The following DNAJC17 variants were observed in gnomAD, a reference collection of about 807,000 sequenced individuals.
The protein encoded by DNAJC17 is DnaJ heat shock protein family (Hsp40) member C17.
In DNAJC17, 35 loss-of-function variants were observed where a neutral mutation model predicts 48.1. The observed-to-expected ratio is 0.73, with a 90% CI of 0.56 to 0.96. The LOEUF (loss-of-function observed/expected upper bound fraction) is 0.96. Among genes scored for constraint, DNAJC17 ranks in the 50% least tolerant of loss-of-function variants. DNAJC17 has a pLI of 0.00. For synonymous variants in DNAJC17, 117 were observed against 142.7 expected (o/e 0.82, Z 1.28); for missense variants, 355 against 377.1 (o/e 0.94, Z 0.48).
At chr15:40,802,932 G>A (rs1036923909) in intron 1 of DNAJC17, among the ~76,000 whole-genome samples, 2 of 151,894 alleles carry the variant, frequency 1.3e-5, no homozygotes, top group African/African-American at 2.4e-5. Flanking sequence ...GGTGGAACCC[G>A]ATCTCTACAA....
At position 40,767,985 on chromosome 15, in the gene DNAJC17, CA is replaced by C; in HGVS notation, c.869del (p.Leu290ArgfsTer33). The C allele has an allele frequency of 6.2e-7, 1 of 1,608,014 alleles. No homozygotes were observed. ...GGTCTTCCTGCTGCATCCGTGCGATCAGCTGTTGCCGCTCGGCCGCCTGGCG... is the reference window on the plus strand; with the variant it reads ...GGTCTTCCTGCTGCATCCGTGCGATCGCTGTTGCCGCTCGGCCGCCTGGCG... ...RMRQAAERQQ[L>X]IARMQQEDQE... On this transcript the variant is annotated frameshift_variant, in exon 11 of 11. Transcript: ENST00000220496. LOFTEE classifies it high-confidence loss of function.
intron 1 of DNAJC17, among the ~76,000 whole-genome samples, chr15:40,802,215 G>T (rs1005210280): frequency 8.7e-5 from 13 of 149,124 alleles, no homozygotes; most frequent in South Asian, 2.1e-4. Flanking sequence ...CCGTCACCCA[G>T]GCTGGAGTGC....
At position 40,776,308 on chromosome 15, in the gene DNAJC17, TGG is replaced by T. The variant is rs1889319236; in HGVS notation, c.382-18_382-17del. The stretch of plus-strand genomic sequence containing the variant: ...GGCGTTCGATCTGCAGAGCAGGGGG[TGG>T]GGGTGACAATTCTGTGCAGGTCCAA... On this transcript the variant is annotated splice_polypyrimidine_tract_variant and intron_variant, in intron 5 of 10. Transcript: ENST00000220496. 1 of 1,611,836 alleles carries T rather than the reference TGG, an allele frequency of 6.2e-7. No homozygotes were observed. The highest frequency in any genetic ancestry group is 1.7e-5 in the Admixed American group (1 of 59,802).
rs772903316 is a variant in DNAJC17, at chr15:40,767,237, A to G, written c.*703T>C. The G allele has an allele frequency of 6.4e-7, 1 of 1,560,466 alleles. No individual in the cohort carries two copies. Among genetic ancestry groups the G allele is most frequent in the Admixed American group, 1.9e-5 (1 of 52,770 alleles). ...CTGTCTCTTTGCAGTTATGAATACT[A>G]CGTCGATGACCCTCCCCGCATAGTC... On this transcript the variant is annotated 3_prime_UTR_variant, in exon 11 of 11. Coordinates refer to ENST00000220496, the MANE Select transcript of DNAJC17 (RefSeq NM_018163.3).
At chr15:40,783,319 A>G (rs755058252) in intron 1 of DNAJC17, among the ~76,000 whole-genome samples, 1 of 152,104 alleles carries the variant, frequency 6.6e-6, no homozygotes, top group Non-Finnish European at 1.5e-5. Flanking sequence ...AAGCACCTAC[A>G]CACACTGACA....
rs1043384400 is a variant in DNAJC17, at chr15:40,769,137, G to A, written c.793-1075C>T. 6.6e-6 allele frequency among the ~76,000 whole-genome samples: 1 copy of A among 152,208 alleles called. No homozygotes were observed. The highest frequency in any genetic ancestry group is 1.5e-5 in the Non-Finnish European group (1 of 68,018). On this transcript the variant is annotated intron_variant, in intron 10 of 10. Coordinates refer to ENST00000220496, the MANE Select transcript of DNAJC17 (RefSeq NM_018163.3). The surrounding 1 kb of genome is among the most constrained non-coding windows in gnomAD (Gnocchi z 4.2). The stretch of plus-strand genomic sequence containing the variant: ...CAGCCTGGGTTCCCCTGTTCCTCCC[G>A]ATGGCTGCACCCCTCCCCTCTCCCC...
chr15:40,787,755 G>A (rs1373104761), intron 1 of DNAJC17, among the ~76,000 whole-genome samples: 1 of 152,144 alleles, frequency 6.6e-6, no homozygotes, highest in African/African-American at 2.4e-5. Flanking sequence ...ACACAGCAGG[G>A]CCTCTGACAT....
chr15:40,807,131 C>T (rs1430140043), intron 1 of DNAJC17: 2 of 1,022,574 alleles, frequency 2.0e-6, no homozygotes, highest in East Asian at 2.6e-5. Context: ...AGACAGGGGC[C>T]ACGGGGAGAG....
In DNAJC17 at chr15:40,776,216, T is replaced by C. The variant is rs769830132; in HGVS notation, c.458A>G (p.Glu153Gly). The change falls in exon 6 of 11, where the codon GAG (glutamate) becomes GGG (glycine). Residue 153 changes from glutamate (E) to glycine (G), a missense_variant. This residue lies in a region of DNAJC17 where 199 missense variants were observed against 199.9 expected (regional missense o/e 1.00). Transcript: ENST00000220496. ...QRLIREQIRQ[E>G]RDQRLRGKAE... ...TGCACCTCTCAACCTCTGGTCACGC[T>C]CCTGGCGTATCTGCTCCCGGATGAG... 3 of 1,613,848 alleles carry C rather than the reference T, an allele frequency of 1.9e-6. No homozygotes were observed. Among genetic ancestry groups the C allele is most frequent in the Non-Finnish European group, 2.5e-6 (3 of 1,180,012 alleles).
intron 1 of DNAJC17, among the ~76,000 whole-genome samples, chr15:40,798,504 A>T (rs1042424598): frequency 6.6e-6 from 1 of 152,230 alleles, no homozygotes. Context: ...GTAAGCAGTA[A>T]ATTTTGCGTT....
intron 10 of DNAJC17, among the ~76,000 whole-genome samples, chr15:40,768,443 C>T (rs1889019600): frequency 6.6e-6 from 1 of 152,150 alleles, no homozygotes. Flanking sequence ...CTTAGGTTCC[C>T]AAGGAAGGGA....
chr15:40,784,202 A>G (rs1231956076), intron 1 of DNAJC17, among the ~76,000 whole-genome samples: 1 of 152,052 alleles, frequency 6.6e-6, no homozygotes, highest in Non-Finnish European at 1.5e-5. Context: ...GGCGACAAAA[A>G]TAAAATTCTG....
chr15:40,779,667 C>A, intron 2 of DNAJC17, 64 bp from the exon 3 acceptor site: 2 of 1,500,958 alleles, frequency 1.3e-6, no homozygotes, highest in Admixed American at 4.5e-5. Context: ...GGTGTGCTCC[C>A]TCAAAAAAAA....
rs75860960 is a variant in DNAJC17 at position 40,768,164 on chromosome 15, G to A, written c.793-102C>T. ...GGCAGTGCTGCGTTCTAAGAGTCTC[G>A]GAGGGAGGACGGCAGAGGAAGGGAA... On this transcript the variant is annotated intron_variant, in intron 10 of 10. Coordinates refer to ENST00000220496, the MANE Select transcript of DNAJC17 (RefSeq NM_018163.3). 1.3e-3 allele frequency: 1,772 copies of A among 1,382,700 alleles called. 28 individuals are homozygous for A. The African/African-American group carries it at 0.024, about 18-fold the overall frequency. The allele number at this position is 1,382,700 out of a possible 1,614,324, so 85.7% of individuals were successfully genotyped here.
In DNAJC17 at chr15:40,766,951, C is replaced by G. The variant is rs193149234; in HGVS notation, c.*989G>C. ...GACTAACATGGTCTACCATCTGGGACGCTGGGGAACCTGATTAACCCCTCT... is the reference window on the plus strand; with the variant it reads ...GACTAACATGGTCTACCATCTGGGAGGCTGGGGAACCTGATTAACCCCTCT... On this transcript the variant is annotated 3_prime_UTR_variant, in exon 11 of 11. Transcript: ENST00000220496. The G allele has an allele frequency of 1.5e-5, 4 of 260,940 alleles. No individual in the cohort carries two copies. The highest frequency in any genetic ancestry group is 2.9e-5 in the Non-Finnish European group (4 of 138,784). The allele number at this position is 260,940 out of a possible 1,614,324, so 16.2% of individuals were successfully genotyped here.
rs111945653 is a variant in DNAJC17 at position 40,770,742 on chromosome 15, C to G, written c.793-2680G>C. 1,938 of 1,545,644 alleles carry G rather than the reference C, an allele frequency of 1.3e-3. 21 individuals carry two copies. In the African/African-American group the frequency reaches 0.023, roughly 18 times the overall value. On this transcript the variant is annotated intron_variant, in intron 10 of 10. Coordinates refer to ENST00000220496, the MANE Select transcript of DNAJC17 (RefSeq NM_018163.3). The surrounding 1 kb of genome is among the most constrained non-coding windows in gnomAD (Gnocchi z 5.0). Reference sequence around the variant, plus strand: ...CACCCTGCTGGCCCCACCCAAGCCCCCACGCCTCTACCGAGAGAGCTCAAG... The same window carrying G: ...CACCCTGCTGGCCCCACCCAAGCCCGCACGCCTCTACCGAGAGAGCTCAAG...
rs1193868338 is a variant in DNAJC17 at position 40,779,595 on chromosome 15, A to G, written c.157T>C (p.Phe53Leu). ...TCCAAGGCCTGAGAAAGCTGGTGGA[A>G]GAGTTCAGCTAAACATAAGGATCAA... ...NPDNPRAAELFHQLSQALEVL... is the reference protein window; with the variant it reads ...NPDNPRAAELLHQLSQALEVL... The change falls in exon 3 of 11, where the codon TTC (phenylalanine) becomes CTC (leucine). Residue 53 changes from phenylalanine (F) to leucine (L), a missense_variant. This residue lies in a region of DNAJC17 where 199 missense variants were observed against 199.9 expected (regional missense o/e 1.00). Transcript: ENST00000220496. 2 of 1,614,206 alleles carry G rather than the reference A, an allele frequency of 1.2e-6. No homozygotes were observed. Among genetic ancestry groups the G allele is most frequent in the Non-Finnish European group, 1.7e-6 (2 of 1,180,030 alleles).
At chr15:40,782,881 G>T (rs1412025842) in intron 1 of DNAJC17, among the ~76,000 whole-genome samples, 1 of 152,114 alleles carries the variant, frequency 6.6e-6, no homozygotes, top group African/African-American at 2.4e-5. Flanking sequence ...TGCCTTGGAG[G>T]CAGCAGGAAC....
rs201076154 is a variant in DNAJC17 at position 40,765,851 on chromosome 15, G to A, written c.*2089C>T. On this transcript the variant is annotated 3_prime_UTR_variant, in exon 11 of 11. Coordinates refer to ENST00000220496, the MANE Select transcript of DNAJC17 (RefSeq NM_018163.3). Reference sequence around the variant, plus strand: ...GGAGGTGGGCCCCACTATGGTGGGCGATGAACAGTCGGATCCAGAGCTGAT... The same window carrying A: ...GGAGGTGGGCCCCACTATGGTGGGCAATGAACAGTCGGATCCAGAGCTGAT... 170 of 1,582,676 alleles carry A rather than the reference G, an allele frequency of 1.1e-4. No homozygotes were observed. Among genetic ancestry groups the A allele is most frequent in the Middle Eastern group, 1.7e-4 (1 of 5,950 alleles).
Sources: allele counts gnomAD v4.1 joint callset (sites outside exome capture counted in the v4.1 genomes callset), GRCh38; gene constraint gnomAD v4.1.1; regional missense constraint gnomAD v4.1.1; non-coding constraint Gnocchi (gnomAD v3.1); transcripts MANE v1.5; gene names NCBI Gene and HGNC (gene_info 2026-07-23, HGNC 2026-07-21).